The following FADS1 variants were observed in gnomAD, a reference collection of about 807,000 sequenced individuals.
FADS1 encodes fatty acid desaturase 1, also known as acyl-CoA (8-3)-desaturase.
In FADS1, 17 loss-of-function variants were observed where a neutral mutation model predicts 61.6. That is an observed-to-expected ratio of 0.28 (90% CI 0.19 to 0.41). The LOEUF is 0.41. Among genes scored for constraint, FADS1 ranks in the 10% least tolerant of loss-of-function variants. FADS1 has a pLI of 1.00. For synonymous variants in FADS1, 238 were observed against 258.7 expected (o/e 0.92, Z 0.77); for missense variants, 387 against 650.9 (o/e 0.59, Z 4.41).
chr11:61,815,996 G>A lies in FADS1; in HGVS notation c.375+559C>T, dbSNP rs2066977928. 8 of 497,724 alleles carry A rather than the reference G, an allele frequency of 1.6e-5. No homozygotes were observed. The highest frequency in any genetic ancestry group is 4.7e-5 in the South Asian group (2 of 42,544). 30.8% of individuals were successfully genotyped at this position (497,724 alleles called of 1,614,324 possible). On this transcript the variant is annotated intron_variant, in intron 1 of 11. Coordinates refer to ENST00000350997, the MANE Select transcript of FADS1 (RefSeq NM_013402.7). The surrounding 1 kb of genome is among the most constrained non-coding windows in gnomAD (Gnocchi z 6.4). ...GTCCTCCAGTCTTCACACGACGCAG[G>A]GGTCCCCAAGGCAGCGGTCTCCCCA... is the stretch of plus-strand genomic sequence containing the variant.
chr11:61,804,301 A>C, intron 7 of FADS1: 1 of 217,862 alleles, frequency 4.6e-6, no homozygotes, highest in East Asian at 1.1e-4. Context: ...AGGTGCAGTC[A>C]GGCCCCTTTT....
At chr11:61,804,867 A>C in intron 6 of FADS1, 106 bp from the exon 7 acceptor site, 1 of 931,666 alleles carries the variant, frequency 1.1e-6, no homozygotes, top group Non-Finnish European at 1.7e-6. Flanking sequence ...GCCTCTTCCA[A>C]CCATCCCTTC....
chr11:61,804,327 T>C (rs1435274693), intron 7 of FADS1: 4 of 251,324 alleles, frequency 1.6e-5, no homozygotes, highest in Non-Finnish European at 2.3e-5. Flanking sequence ...CCCCAGAACC[T>C]ATTGCCTGTA....
In FADS1 at chr11:61,800,419, G is replaced by A. The variant is rs1356950395; in HGVS notation, c.*1992C>T. Reference sequence around the variant, plus strand: ...CTAGTTCTCCAGCTAAGTAAAATGTGCCCAAATGGAAAACATCTAAATCTT... The same window carrying A: ...CTAGTTCTCCAGCTAAGTAAAATGTACCCAAATGGAAAACATCTAAATCTT... On this transcript the variant is annotated 3_prime_UTR_variant, in exon 12 of 12. Coordinates refer to ENST00000350997, the MANE Select transcript of FADS1 (RefSeq NM_013402.7). The A allele has an allele frequency of 6.6e-6, 1 of 152,338 alleles. No homozygotes were observed. The highest frequency in any genetic ancestry group is 2.4e-5 in the African/African-American group (1 of 41,446). 9.4% of individuals were successfully genotyped at this position (152,338 alleles called of 1,614,324 possible). A position where few individuals can be genotyped will look rare whatever the true frequency, so the allele number is the denominator to read the frequency against.
At chr11:61,806,068 C>T (rs4564341) in intron 6 of FADS1, 13,757 of 153,084 alleles carry the variant, frequency 0.09, 1,109 homozygotes, top group East Asian at 0.34. Context: ...GGGCCGGGCG[C>T]GGTGGCTCAC....
chr11:61,816,969 C>G lies in FADS1; in HGVS notation c.-40G>C, dbSNP rs1163404450. On this transcript the variant is annotated 5_prime_UTR_variant, in exon 1 of 12. Coordinates refer to ENST00000350997, the MANE Select transcript of FADS1 (RefSeq NM_013402.7). This position sits in a 1 kb window ranked among gnomAD's most constrained non-coding sequence, Gnocchi z 7.0. ...GGCGCGGGGAGCGAGATCCCGTCCC[C>G]CGGTGGGTCTTGGGCAACTCACAGC... The G allele has an allele frequency of 2.9e-6, 4 of 1,369,034 alleles. No individual in the cohort carries two copies. Among genetic ancestry groups the G allele is most frequent in the Non-Finnish European group, 3.7e-6 (4 of 1,069,236 alleles). The allele number at this position is 1,369,034 out of a possible 1,614,324, so 84.8% of individuals were successfully genotyped here. A position where few individuals can be genotyped will look rare whatever the true frequency, so the allele number is the denominator to read the frequency against.
chr11:61,799,699 T>C lies in FADS1; in HGVS notation c.*2712A>G, dbSNP rs2066841625. ...ACAAAATTGGCACACACAAAAAGAA[T>C]ACTGATATTGGGCCTGATTTAAAAA... On this transcript the variant is annotated 3_prime_UTR_variant, in exon 12 of 12. Coordinates refer to ENST00000350997, the MANE Select transcript of FADS1 (RefSeq NM_013402.7). The C allele has an allele frequency of 6.6e-6, 1 of 152,336 alleles. No individual in the cohort carries two copies. Among genetic ancestry groups the C allele is most frequent in the Non-Finnish European group, 1.5e-5 (1 of 68,042 alleles). 9.4% of individuals were successfully genotyped at this position (152,336 alleles called of 1,614,324 possible). A position where few individuals can be genotyped will look rare whatever the true frequency, so the allele number is the denominator to read the frequency against.
chr11:61,802,172 A>G lies in FADS1; in HGVS notation c.*239T>C, dbSNP rs903350054. 55 of 538,540 alleles carry G rather than the reference A, an allele frequency of 1.0e-4. No homozygotes were observed. Among genetic ancestry groups the G allele is most frequent in the African/African-American group, 9.7e-4 (51 of 52,592 alleles). 33.4% of individuals were successfully genotyped at this position (538,540 alleles called of 1,614,324 possible). ...TGTGCCAAACTAGAAAAAGGAAATA[A>G]TTTACACCCCTGCCCCAACAGCTCC... is the stretch of plus-strand genomic sequence containing the variant. On this transcript the variant is annotated 3_prime_UTR_variant, in exon 12 of 12. Coordinates refer to ENST00000350997, the MANE Select transcript of FADS1 (RefSeq NM_013402.7). The surrounding 1 kb of genome is among the most constrained non-coding windows in gnomAD (Gnocchi z 4.2).
At chr11:61,809,099 T>C (rs1345648785) in intron 5 of FADS1, among the ~76,000 whole-genome samples, 1 of 152,204 alleles carries the variant, frequency 6.6e-6, no homozygotes, top group Non-Finnish European at 1.5e-5. Flanking sequence ...CATTCTCTCA[T>C]TGCTTACTGT....
In FADS1 at chr11:61,804,684, C is replaced by T; in HGVS notation, c.1053+1G>A. The T allele has an allele frequency of 1.2e-6, 2 of 1,613,612 alleles. No individual in the cohort carries two copies. Among genetic ancestry groups the T allele is most frequent in the Non-Finnish European group, 1.7e-6 (2 of 1,179,538 alleles). On this transcript the variant is annotated splice_donor_variant, in intron 7 of 11. Coordinates refer to ENST00000350997, the MANE Select transcript of FADS1 (RefSeq NM_013402.7). LOFTEE classifies it high-confidence loss of function. ...GGGCTTCTTGGGCCATGGATACTCACCACCCACTTCTTTCGCTGGATAACA... is the reference window on the plus strand; with the variant it reads ...GGGCTTCTTGGGCCATGGATACTCATCACCCACTTCTTTCGCTGGATAACA...
At chr11:61,808,383 C>T (rs1012285444) in intron 5 of FADS1, among the ~76,000 whole-genome samples, 17 of 152,124 alleles carry the variant, frequency 1.1e-4, no homozygotes, top group Admixed American at 7.9e-4. Context: ...TTCTTCTCCC[C>T]GGCCAGCTAT....
Position 61,801,292 on chromosome 11 carries a change from G to A in FADS1, c.*1119C>T, listed in dbSNP as rs927200569. 1 of 152,246 alleles carries A rather than the reference G, an allele frequency of 6.6e-6. No individual in the cohort carries two copies. Among genetic ancestry groups the A allele is most frequent in the African/African-American group, 2.4e-5 (1 of 41,412 alleles). 9.4% of individuals were successfully genotyped at this position (152,246 alleles called of 1,614,324 possible). A position where few individuals can be genotyped will look rare whatever the true frequency, so the allele number is the denominator to read the frequency against. ...TATTTTATTAAACTTGAAATTTTAG[G>A]TTGGGAAGCAAAGGGAAACCACTGG... On this transcript the variant is annotated 3_prime_UTR_variant, in exon 12 of 12. Coordinates refer to ENST00000350997, the MANE Select transcript of FADS1 (RefSeq NM_013402.7).
chr11:61,813,436 G>A, intron 1 of FADS1, 83 bp from the exon 2 acceptor site: 1 of 783,614 alleles, frequency 1.3e-6, no homozygotes. Flanking sequence ...CCATCCTCCT[G>A]CCCGCCAGAA....
rs1450928263 is a variant in FADS1 at position 61,816,141 on chromosome 11, A to G, written c.375+414T>C. 6.6e-6 allele frequency: 6 copies of G among 906,398 alleles called. No homozygotes were observed. The highest frequency in any genetic ancestry group is 9.8e-6 in the Non-Finnish European group (6 of 612,490). The allele number at this position is 906,398 out of a possible 1,614,324, so 56.1% of individuals were successfully genotyped here. A position where few individuals can be genotyped will look rare whatever the true frequency, so the allele number is the denominator to read the frequency against. On this transcript the variant is annotated intron_variant, in intron 1 of 11. Transcript: ENST00000350997. The surrounding 1 kb of genome is among the most constrained non-coding windows in gnomAD (Gnocchi z 7.0). ...CGCGGCTGCGCTGCCTCTCCTAGCCATCGAGACAGGATGTGACTCCCTCCC... is the reference window on the plus strand; with the variant it reads ...CGCGGCTGCGCTGCCTCTCCTAGCCGTCGAGACAGGATGTGACTCCCTCCC...
chr11:61,815,770 C>T lies in FADS1; in HGVS notation c.375+785G>A, dbSNP rs1432870507. 1.2e-5 allele frequency: 2 copies of T among 164,274 alleles called. No homozygotes were observed. Among genetic ancestry groups the T allele is most frequent in the Non-Finnish European group, 1.3e-5 (1 of 74,650 alleles). The allele number at this position is 164,274 out of a possible 1,614,324, so 10.2% of individuals were successfully genotyped here. ...AGACCAAGGGAAGAAGGGACAGGAC[C>T]CCGCGAAGGGCCTACCGCCCCAGAG... is the stretch of plus-strand genomic sequence containing the variant. On this transcript the variant is annotated intron_variant, in intron 1 of 11. Transcript: ENST00000350997. This position sits in a 1 kb window ranked among gnomAD's most constrained non-coding sequence, Gnocchi z 6.4.
rs1224115646 is a variant in FADS1, at chr11:61,810,789, G to A, written c.877C>T (p.Pro293Ser). 6.2e-7 allele frequency: 1 copy of A among 1,614,058 alleles called. No individual in the cohort carries two copies. Among genetic ancestry groups the A allele is most frequent in the Non-Finnish European group, 8.5e-7 (1 of 1,180,024 alleles). Residue 293 changes from proline (P) to serine (S), a missense_variant, in exon 5 of 12, where the codon CCC becomes TCC. Physicochemically the swap from Pro to Ser is moderately conservative, Grantham distance 74 (BLOSUM62 -1). This residue lies in a region of FADS1 where 257 missense variants were observed against 533.3 expected (regional missense o/e 0.48). Transcript: ENST00000350997. ...FRKDPDINMH[P>S]FFFALGKILS... The stretch of plus-strand genomic sequence containing the variant: ...ATCTTCCCCAAGGCAAAGAAGAAGG[G>A]ATGCATGTTGATGTCTGGGTCTTTG...
At position 61,803,950 on chromosome 11, in the gene FADS1, A is replaced by AC. The variant is rs2066876083; in HGVS notation, c.1054-184dup. 2 of 604,188 alleles carry AC rather than the reference A, an allele frequency of 3.3e-6. No individual in the cohort carries two copies. The highest frequency in any genetic ancestry group is 5.9e-6 in the Non-Finnish European group (2 of 338,452). The allele number at this position is 604,188 out of a possible 1,614,324, so 37.4% of individuals were successfully genotyped here. A position where few individuals can be genotyped will look rare whatever the true frequency, so the allele number is the denominator to read the frequency against. ...GCTCCTTTCTTCCATTCCCATTGGC[A>AC]CCCCCCAGCCCTTCTTGCATGTCCC... On this transcript the variant is annotated intron_variant, in intron 7 of 11. Coordinates refer to ENST00000350997, the MANE Select transcript of FADS1 (RefSeq NM_013402.7). The surrounding 1 kb of genome is among the most constrained non-coding windows in gnomAD (Gnocchi z 4.3).
chr11:61,804,667 T>G lies in FADS1; in HGVS notation c.1053+18A>C. 6.2e-7 allele frequency: 1 copy of G among 1,610,046 alleles called. No homozygotes were observed. Among genetic ancestry groups the G allele is most frequent in the Non-Finnish European group, 8.5e-7 (1 of 1,176,474 alleles). ...GCTGGAGACAAGGATGTGGGCTTCT[T>G]GGGCCATGGATACTCACCACCCACT... On this transcript the variant is annotated intron_variant, in intron 7 of 11. Coordinates refer to ENST00000350997, the MANE Select transcript of FADS1 (RefSeq NM_013402.7).
Position 61,803,576 on chromosome 11 carries a change from C to T in FADS1, c.1151+94G>A. ...CCCAAGCCAACTCCTGAAACACCCA[C>T]TGTTACCCAAAGCCCCAGCACGGCC... On this transcript the variant is annotated intron_variant, in intron 8 of 11. Coordinates refer to ENST00000350997, the MANE Select transcript of FADS1 (RefSeq NM_013402.7). The surrounding 1 kb of genome is among the most constrained non-coding windows in gnomAD (Gnocchi z 4.3). The T allele has an allele frequency of 7.3e-7, 1 of 1,361,538 alleles. No homozygotes were observed. 84.3% of individuals were successfully genotyped at this position (1,361,538 alleles called of 1,614,324 possible). A position where few individuals can be genotyped will look rare whatever the true frequency, so the allele number is the denominator to read the frequency against.
Sources: allele counts gnomAD v4.1 joint callset (sites outside exome capture counted in the v4.1 genomes callset), GRCh38; gene constraint gnomAD v4.1.1; regional missense constraint gnomAD v4.1.1; non-coding constraint Gnocchi (gnomAD v3.1); transcripts MANE v1.5; gene names NCBI Gene and HGNC (gene_info 2026-07-23, HGNC 2026-07-21).